Variants in WDPCP observed in about 807,000 individuals in gnomAD.
WDPCP encodes WD repeat containing planar cell polarity effector.
In WDPCP, 71 loss-of-function variants were observed where a neutral mutation model predicts 93.1. The observed-to-expected ratio is 0.76, with a 90% confidence interval of 0.63 to 0.93. The LOEUF is 0.93. WDPCP is among the 40% of genes least tolerant of loss of function. The probability of loss-of-function intolerance (pLI) is 0.00; values close to 1 mark genes in which losing one functional copy is unlikely to be tolerated. For missense variants in WDPCP, 844 were observed against 887.4 expected (o/e 0.95, Z 0.62); for synonymous variants, 315 against 315.0 (o/e 1.00, Z 0.00).
chr2:63,404,714 C>A, intron 9 of WDPCP, 57 bp from the exon 10 acceptor site: 1 of 1,597,426 alleles, frequency 6.3e-7, no homozygotes, highest in Non-Finnish European at 8.5e-7. Flanking sequence ...TTCAACTTCA[C>A]ACCTAGGACT....
intron 2 of WDPCP, among the ~76,000 whole-genome samples, chr2:63,741,615 TAAC>T (rs1306585664): frequency 6.6e-6 from 1 of 152,066 alleles, no homozygotes; most frequent in Non-Finnish European, 1.5e-5. Flanking sequence ...TTTAATGGCT[TAAC>T]AATGTAACGT....
chr2:63,642,114 C>T (rs1050964314), intron 3 of WDPCP, among the ~76,000 whole-genome samples: 6 of 151,952 alleles, frequency 3.9e-5, no homozygotes, highest in Non-Finnish European at 5.9e-5. Flanking sequence ...TGTTTCTGGA[C>T]TCTCTATTCT....
At chr2:63,462,319 G>T (rs911465606) in intron 6 of WDPCP, among the ~76,000 whole-genome samples, 1 of 152,068 alleles carries the variant, frequency 6.6e-6, no homozygotes, top group African/African-American at 2.4e-5. Flanking sequence ...TTGGACACAG[G>T]GTGGGGAACA....
At chr2:63,548,174 TAA>T (rs1476450972) in intron 1 of WDPCP, among the ~76,000 whole-genome samples, 1 of 151,896 alleles carries the variant, frequency 6.6e-6, no homozygotes, top group Non-Finnish European at 1.5e-5. Flanking sequence ...ATAATACTTA[TAA>T]GAGACACATC....
intron 2 of WDPCP, among the ~76,000 whole-genome samples, chr2:63,743,743 T>A (rs1489096494): frequency 6.6e-5 from 10 of 151,950 alleles, no homozygotes. Flanking sequence ...AAAAGCTTTT[T>A]AAAAAAAATA....
Position 63,437,457 on chromosome 2 carries a change from G to T in WDPCP, c.597C>A (p.Asn199Lys). 1.2e-6 allele frequency: 2 copies of T among 1,603,992 alleles called. No individual in the cohort carries two copies. Among genetic ancestry groups the T allele is most frequent in the Admixed American group, 1.7e-5 (1 of 59,198 alleles). ...FTKKMESSDV[N>K]KRLEKLSALD... Reference sequence around the variant, plus strand: ...AGGCTGAGAGTTTTTCCAGTCTTTTGTTTACATCAGAAGACTCCATCTTCT... The same window carrying T: ...AGGCTGAGAGTTTTTCCAGTCTTTTTTTTACATCAGAAGACTCCATCTTCT... The change falls in exon 8 of 18, where the codon AAC (asparagine) becomes AAA (lysine). Residue 199 changes from asparagine to lysine, a missense_variant. By Grantham distance (94) the Asn-to-Lys change is moderately conservative (BLOSUM62 0). Transcript: ENST00000272321.
At chr2:63,286,332 C>T (rs1253656119) in intron 13 of WDPCP, among the ~76,000 whole-genome samples, 1 of 152,176 alleles carries the variant, frequency 6.6e-6, no homozygotes, top group African/African-American at 2.4e-5. Flanking sequence ...GACATTCCAC[C>T]ATTGTGATTT....
intron 2 of WDPCP, among the ~76,000 whole-genome samples, chr2:63,769,488 C>T (rs1293759983): frequency 6.6e-6 from 1 of 151,938 alleles, no homozygotes; most frequent in Non-Finnish European, 1.5e-5. Flanking sequence ...GCATATGGAA[C>T]CTTGACCAAA....
chr2:63,509,926 G>T (rs1351229635), intron 1 of WDPCP, among the ~76,000 whole-genome samples: 1 of 152,136 alleles, frequency 6.6e-6, no homozygotes, highest in Non-Finnish European at 1.5e-5. Context: ...TTCTGAAATT[G>T]AGGCAGTAAT....
intron 2 of WDPCP, among the ~76,000 whole-genome samples, chr2:63,704,598 G>A (rs1453935093): frequency 6.6e-5 from 10 of 152,130 alleles, no homozygotes; most frequent in African/African-American, 1.4e-4. Flanking sequence ...GCTGGATTAC[G>A]TTTATTGATT....
At chr2:63,181,923 T>C (rs1275205054) in intron 14 of WDPCP, among the ~76,000 whole-genome samples, 2 of 152,044 alleles carry the variant, frequency 1.3e-5, no homozygotes, top group African/African-American at 2.4e-5. Flanking sequence ...TTCCTAAATA[T>C]TTTACTTTTT....
chr2:63,521,811 C>G (rs969976594), intron 1 of WDPCP, among the ~76,000 whole-genome samples: 4 of 152,074 alleles, frequency 2.6e-5, no homozygotes, highest in Non-Finnish European at 5.9e-5. Flanking sequence ...TTAAAAAACA[C>G]CAAAATTACA....
At chr2:63,755,538 A>G (rs1035150086) in intron 2 of WDPCP, among the ~76,000 whole-genome samples, 2 of 152,244 alleles carry the variant, frequency 1.3e-5, no homozygotes, top group African/African-American at 4.8e-5. Context: ...AATAACTAAA[A>G]TAACAACAAA....
intron 10 of WDPCP, among the ~76,000 whole-genome samples, chr2:63,387,920 G>C (rs1240203954): frequency 1.3e-5 from 2 of 151,974 alleles, no homozygotes; most frequent in Non-Finnish European, 2.9e-5. Flanking sequence ...CTAACAGAGA[G>C]GTAAAAGATC....
the WDPCP span, among the ~76,000 whole-genome samples, chr2:63,836,696 T>C: frequency 6.6e-6 from 1 of 152,282 alleles, no homozygotes; most frequent in African/African-American, 2.4e-5. Context: ...AATTTGGAGA[T>C]ACAGTTTTGC....
chr2:63,624,417 AATAG>A (rs761199792), intron 3 of WDPCP, among the ~76,000 whole-genome samples: 24 of 152,290 alleles, frequency 1.6e-4, no homozygotes, highest in Middle Eastern at 3.4e-3. Flanking sequence ...AGATTAACAA[AATAG>A]ATAGACCTCT....
At chr2:63,426,488 A>G (rs1370709680) in intron 9 of WDPCP, among the ~76,000 whole-genome samples, 1 of 152,238 alleles carries the variant, frequency 6.6e-6, no homozygotes, top group Non-Finnish European at 1.5e-5. Flanking sequence ...TCCTTTTCAA[A>G]CAAGTAATGC....
intron 1 of WDPCP, 54 bp from the exon 2 acceptor site, chr2:63,492,994 TA>T: frequency 7.0e-7 from 1 of 1,434,698 alleles, no homozygotes; most frequent in Non-Finnish European, 9.8e-7. Flanking sequence ...CTATTGCCAA[TA>T]AAACCAAGAT....
intron 9 of WDPCP, among the ~76,000 whole-genome samples, chr2:63,408,459 C>G (rs1378822176): frequency 2.0e-5 from 3 of 152,134 alleles, no homozygotes; most frequent in Non-Finnish European, 4.4e-5. Context: ...GCAGGCCATT[C>G]CTAACCTGAT....
Sources: allele counts gnomAD v4.1 joint callset (sites outside exome capture counted in the v4.1 genomes callset), GRCh38; gene constraint gnomAD v4.1.1; transcripts MANE v1.5; gene names NCBI Gene and HGNC (gene_info 2026-07-23, HGNC 2026-07-21).